ROBO1: variants seen among roughly 807,000 people sequenced by gnomAD.
ROBO1 encodes roundabout homolog 1.
ROBO1 carries 149 observed loss-of-function variants against 195.9 expected under a neutral mutation model. That is an observed-to-expected ratio of 0.76 (90% CI 0.67 to 0.87). ROBO1 has a LOEUF of 0.87. ROBO1 is among the 40% of genes least tolerant of loss of function. The pLI, the probability that ROBO1 is intolerant of heterozygous loss-of-function variation, is 0.00. For synonymous variants in ROBO1, 816 were observed against 733.2 expected (o/e 1.11, Z -1.82); for missense variants, 1,933 against 2,068.3 (o/e 0.93, Z 1.27).
chr3:79,416,551 T>C (rs1467590925), intron 2 of ROBO1, among the ~76,000 whole-genome samples: 1 of 148,144 alleles, frequency 6.8e-6, no homozygotes, highest in Non-Finnish European at 1.5e-5. Flanking sequence ...CAAGGTGCAG[T>C]GAGCCATGAT....
chr3:79,573,879 A>G (rs1396576657), intron 2 of ROBO1, among the ~76,000 whole-genome samples: 1 of 152,164 alleles, frequency 6.6e-6, no homozygotes, highest in Admixed American at 6.6e-5. Context: ...TAAAGACTCA[A>G]TGAAGAGCAA....
Position 78,656,409 on chromosome 3 carries a change from G to A in ROBO1, c.2614+689C>T, listed in dbSNP as rs553322868. On this transcript the variant is annotated intron_variant, in intron 18 of 30. Coordinates refer to ENST00000464233, the MANE Select transcript of ROBO1 (RefSeq NM_002941.4). ...TCTGTCGCCCAGGCTGGAGTGCAGT[G>A]GTGTAATCTCGACTCACTGCAAGCT... is the stretch of plus-strand genomic sequence containing the variant. 6.0e-4 allele frequency among the ~76,000 whole-genome samples: 88 copies of A among 145,916 alleles called. 1 individual carries two copies. The highest frequency in any genetic ancestry group is 2.1e-3 in the African/African-American group (83 of 39,620).
chr3:78,926,752 A>C (rs779210149), intron 4 of ROBO1, among the ~76,000 whole-genome samples: 1 of 152,178 alleles, frequency 6.6e-6, no homozygotes, highest in Admixed American at 6.5e-5. Flanking sequence ...TAAAGCAAAA[A>C]ACAAAGCCTA....
At chr3:79,483,472 A>T (rs1938976974) in intron 2 of ROBO1, among the ~76,000 whole-genome samples, 1 of 152,116 alleles carries the variant, frequency 6.6e-6, no homozygotes, top group Non-Finnish European at 1.5e-5. Flanking sequence ...AATGCCAAGG[A>T]TATATTCTGA....
intron 2 of ROBO1, among the ~76,000 whole-genome samples, chr3:79,391,326 C>A (rs1281665910): frequency 1.3e-5 from 2 of 151,924 alleles, no homozygotes; most frequent in Admixed American, 6.6e-5. Flanking sequence ...TAAACGAAAA[C>A]ATAATACAAA....
At chr3:79,053,183 C>G (rs1167250705) in intron 3 of ROBO1, among the ~76,000 whole-genome samples, 1 of 151,824 alleles carries the variant, frequency 6.6e-6, no homozygotes, top group Non-Finnish European at 1.5e-5. Context: ...AATCCCATGA[C>G]CCCCTAGAGT....
At chr3:79,433,688 T>C (rs1014609721) in intron 2 of ROBO1, among the ~76,000 whole-genome samples, 1 of 152,124 alleles carries the variant, frequency 6.6e-6, no homozygotes, top group African/African-American at 2.4e-5. Context: ...CTTCACAGAA[T>C]TGGAAAAAAC....
At chr3:79,366,839 G>A (rs1259169605) in intron 2 of ROBO1, among the ~76,000 whole-genome samples, 2 of 152,090 alleles carry the variant, frequency 1.3e-5, no homozygotes. Flanking sequence ...CCTGCTAAAA[G>A]GCTAAAACCA....
At chr3:78,766,223 C>G (rs1185490428) in intron 4 of ROBO1, among the ~76,000 whole-genome samples, 1 of 152,128 alleles carries the variant, frequency 6.6e-6, no homozygotes, top group African/African-American at 2.4e-5. Context: ...AGGAAAAAGG[C>G]AGGTAGCAGT....
At chr3:79,716,331 C>G (rs1206493449) in intron 1 of ROBO1, among the ~76,000 whole-genome samples, 3 of 151,714 alleles carry the variant, frequency 2.0e-5, no homozygotes, top group Non-Finnish European at 4.4e-5. Flanking sequence ...ATAATAGATG[C>G]ATTATGAAAT....
intron 4 of ROBO1, among the ~76,000 whole-genome samples, chr3:78,881,345 C>T (rs1205479013): frequency 2.6e-5 from 4 of 152,102 alleles, no homozygotes; most frequent in African/African-American, 7.2e-5. Flanking sequence ...TCATAGACTG[C>T]GCTTTTCACA....
At chr3:78,607,079 G>T (rs1318953588) in intron 28 of ROBO1, 38 bp from the exon 29 acceptor site, 4 of 1,551,744 alleles carry the variant, frequency 2.6e-6, no homozygotes, top group Admixed American at 3.8e-5. Flanking sequence ...GTAAAAGTCT[G>T]CTGCTTATAA....
intron 1 of ROBO1, among the ~76,000 whole-genome samples, chr3:79,738,270 G>T (rs1204786159): frequency 6.6e-6 from 1 of 152,120 alleles, no homozygotes; most frequent in East Asian, 1.9e-4. Flanking sequence ...ACAATGCAAA[G>T]TAAAAGACTC....
At chr3:78,976,211 G>A (rs569354025) in intron 3 of ROBO1, among the ~76,000 whole-genome samples, 9 of 152,248 alleles carry the variant, frequency 5.9e-5, no homozygotes, top group Admixed American at 5.9e-4. Flanking sequence ...AGAAATAACA[G>A]TGGCAAGAAA....
chr3:79,619,379 C>T (rs1944931435), intron 1 of ROBO1, among the ~76,000 whole-genome samples: 1 of 152,136 alleles, frequency 6.6e-6, no homozygotes, highest in Admixed American at 6.5e-5. Flanking sequence ...GAACTTAAAA[C>T]CTCCTGAACT....
At chr3:78,661,710 A>G (rs1248865108) in intron 15 of ROBO1, among the ~76,000 whole-genome samples, 1 of 152,216 alleles carries the variant, frequency 6.6e-6, no homozygotes, top group Admixed American at 6.5e-5. Context: ...TAAAAGATTC[A>G]TGTAATAATG....
intron 5 of ROBO1, among the ~76,000 whole-genome samples, chr3:78,725,778 TAA>T (rs1297002208): frequency 6.6e-6 from 1 of 152,194 alleles, no homozygotes; most frequent in African/African-American, 2.4e-5. Flanking sequence ...CATAAATTCA[TAA>T]GTTTTTTGAT....
chr3:78,600,073 C>G (rs1199497741), intron 30 of ROBO1, 40 bp downstream of exon 30: 1 of 1,513,328 alleles, frequency 6.6e-7, no homozygotes, highest in Non-Finnish European at 9.2e-7. Flanking sequence ...AAAACAACCA[C>G]AGTCTAACAT....
At chr3:79,618,155 T>C (rs1045168688) in intron 1 of ROBO1, among the ~76,000 whole-genome samples, 2 of 151,968 alleles carry the variant, frequency 1.3e-5, no homozygotes, top group East Asian at 1.9e-4. Flanking sequence ...CTATGAGATA[T>C]ATGCATTTGT....
Sources: gnomAD v4.1 joint callset for allele counts (sites outside exome capture counted in the v4.1 genomes callset) on GRCh38, gnomAD v4.1.1 for gene constraint, MANE v1.5 for transcripts, NCBI Gene and HGNC (gene_info 2026-07-23, HGNC 2026-07-21) for gene names.